Variants in CCDC102B observed in about 807,000 individuals in gnomAD.
CCDC102B encodes the protein coiled-coil domain containing 102B, also known as coiled-coil domain-containing protein 102B.
In CCDC102B, 75 loss-of-function variants were observed where a neutral mutation model predicts 57.4. The observed-to-expected ratio is 1.31, with a 90% confidence interval of 1.08 to 1.58. The LOEUF (loss-of-function observed/expected upper bound fraction) is 1.58. CCDC102B is among the 40% of genes most tolerant of loss of function. CCDC102B has a pLI of 0.00. For missense variants in CCDC102B, 636 were observed against 582.6 expected, an observed-to-expected ratio of 1.09 and a Z score of -0.94; for synonymous variants, 206 against 201.9, an observed-to-expected ratio of 1.02 and a Z score of -0.17.
At chr18:69,022,795 T>A (rs2051881529) in intron 7 of CCDC102B, among the ~76,000 whole-genome samples, 1 of 152,132 alleles carries the variant, frequency 6.6e-6, no homozygotes, top group South Asian at 2.1e-4. Context: ...TGTGTGTATG[T>A]ATTTTAATTT....
intron 6 of CCDC102B, among the ~76,000 whole-genome samples, chr18:68,956,536 ATTTT>A (rs2049892073): frequency 8.2e-4 from 7 of 8,506 alleles, no homozygotes; most frequent in East Asian, 5.7e-3. Flanking sequence ...TATATTATAT[ATTTT>A]ATATATATAA....
intron 1 of CCDC102B, among the ~76,000 whole-genome samples, chr18:68,802,277 G>C (rs2035882865): frequency 6.6e-6 from 1 of 152,102 alleles, no homozygotes; most frequent in Non-Finnish European, 1.5e-5. Flanking sequence ...ACTACGTAGA[G>C]TCCCTGCCAT....
chr18:68,874,675 A>G lies in CCDC102B; in HGVS notation c.943A>G (p.Ile315Val), dbSNP rs373135170. The change falls in exon 5 of 8, where the codon ATT becomes GTT. Residue 315 changes from isoleucine to valine, a missense_variant. Physicochemically the swap from Ile to Val is conservative, Grantham distance 29. Coordinates refer to ENST00000360242, the MANE Select transcript of CCDC102B (RefSeq NM_024781.3). ...SKPKNVKEFD[I>V]LLGQHNDEMQ... ...TTTCAACTTTCTTTTTCAGTTTGAC[A>G]TTCTTCTTGGTCAACATAATGATGA... 1.7e-5 allele frequency: 27 copies of G among 1,603,806 alleles called. No homozygotes were observed. The African/African-American group carries it at 3.3e-4, about 20-fold the overall frequency.
At chr18:68,979,271 G>T (rs1169988520) in intron 6 of CCDC102B, among the ~76,000 whole-genome samples, 1 of 151,908 alleles carries the variant, frequency 6.6e-6, no homozygotes, top group Non-Finnish European at 1.5e-5. Flanking sequence ...TTTCAAATAG[G>T]CAAACAGGTT....
chr18:68,904,304 A>G (rs981327905), intron 6 of CCDC102B, among the ~76,000 whole-genome samples: 13 of 152,204 alleles, frequency 8.5e-5, no homozygotes, highest in Non-Finnish European at 1.3e-4. Context: ...AAAATATAAA[A>G]TGTGTTATAT....
At chr18:68,854,474 A>G (rs62097583) in intron 4 of CCDC102B, among the ~76,000 whole-genome samples, 53,996 of 152,010 alleles carry the variant, frequency 0.36, 10,379 homozygotes, top group East Asian at 0.66. Flanking sequence ...TAAGTTAAAT[A>G]AGGTATACAT....
At chr18:68,759,322 AC>A (rs2034174003) in intron 2 of CCDC102B, among the ~76,000 whole-genome samples, 1 of 152,130 alleles carries the variant, frequency 6.6e-6, no homozygotes, top group Non-Finnish European at 1.5e-5. Flanking sequence ...TTTTATAGGA[AC>A]TTAAAGAAAT....
At chr18:68,763,264 A>G (rs1222985955) in intron 2 of CCDC102B, among the ~76,000 whole-genome samples, 2 of 151,934 alleles carry the variant, frequency 1.3e-5, no homozygotes, top group Non-Finnish European at 2.9e-5. Flanking sequence ...CCATGGCACA[A>G]CCTCCTTGGA....
chr18:68,931,024 G>A (rs1809002018), intron 6 of CCDC102B, among the ~76,000 whole-genome samples: 1 of 151,590 alleles, frequency 6.6e-6, no homozygotes, highest in African/African-American at 2.4e-5. Flanking sequence ...CTCATTCAGA[G>A]GCATGATCAG....
rs1370954606 is a variant in CCDC102B at position 68,956,375 on chromosome 18, TGTATA to T, written c.1264-54558_1264-54554del. ...TAATATATATAATATATATATAAAATGTATAATATATAATATATATATAAATATAT... is the reference window on the plus strand; with the variant it reads ...TAATATATATAATATATATATAAAATATATATAATATATATATAAATATAT... On this transcript the variant is annotated intron_variant, in intron 6 of 7. Coordinates refer to ENST00000360242, the MANE Select transcript of CCDC102B (RefSeq NM_024781.3). 1.9e-4 allele frequency among the ~76,000 whole-genome samples: 5 copies of T among 26,746 alleles called. 2 individuals carry two copies. Among genetic ancestry groups the T allele is most frequent in the Non-Finnish European group, 3.1e-4 (5 of 15,956 alleles). The allele number at this position is 26,746 out of a possible 152,430, so 17.5% of individuals were successfully genotyped here.
chr18:68,936,026 A>G (rs1008992087), intron 6 of CCDC102B, among the ~76,000 whole-genome samples: 3 of 151,984 alleles, frequency 2.0e-5, no homozygotes, highest in African/African-American at 4.8e-5. Context: ...TCCAGCAGAC[A>G]TGATGCTACA....
At chr18:68,797,056 T>A (rs2035654212), upstream of CCDC102B, among the ~76,000 whole-genome samples, 1 of 152,002 alleles carries the variant, frequency 6.6e-6, no homozygotes, top group African/African-American at 2.4e-5. Flanking sequence ...TAACATCACG[T>A]GGGGAAAATC....
intron 6 of CCDC102B, among the ~76,000 whole-genome samples, chr18:68,985,864 G>C (rs2050709601): frequency 6.6e-6 from 1 of 152,054 alleles, no homozygotes; most frequent in South Asian, 2.1e-4. Context: ...AGAAGGGGAA[G>C]GAATAGATCT....
At chr18:69,026,462 A>T (rs1249984663) in intron 7 of CCDC102B, among the ~76,000 whole-genome samples, 3 of 151,568 alleles carry the variant, frequency 2.0e-5, no homozygotes, top group Non-Finnish European at 4.4e-5. Context: ...TGTCTCAAAA[A>T]AAAAAAAAAA....
At chr18:68,816,528 C>T (rs1052983174) in intron 1 of CCDC102B, among the ~76,000 whole-genome samples, 2 of 141,706 alleles carry the variant, frequency 1.4e-5, no homozygotes, top group African/African-American at 5.4e-5. Context: ...TGCAAAGGCA[C>T]GATCTGGGCT....
intron 6 of CCDC102B, among the ~76,000 whole-genome samples, chr18:69,005,172 AT>A (rs1490729575): frequency 1.3e-5 from 2 of 152,150 alleles, no homozygotes; most frequent in Non-Finnish European, 2.9e-5. Context: ...TTTGATTGTG[AT>A]AACAATCCAA....
chr18:68,970,506 T>C (rs2050272269), intron 6 of CCDC102B, among the ~76,000 whole-genome samples: 1 of 151,940 alleles, frequency 6.6e-6, no homozygotes, highest in South Asian at 2.1e-4. Flanking sequence ...AAAGTCTTCA[T>C]CATTTGATTG....
rs1477595619 is a variant in CCDC102B at position 68,765,313 on chromosome 18, G to GA, written c.-67+48721dup. ...GAAAGAAAGGAAGGAAGGAAGGAAG[G>GA]AAGGAAGGAAGGAAAGAAAGAAAGA... On this transcript the variant is annotated intron_variant, in intron 2 of 3. Transcript: ENST00000578970. Among the ~76,000 whole-genome samples the GA allele has an allele frequency of 9.1e-3, 493 of 53,994 alleles. 2 individuals are homozygous for GA. Among genetic ancestry groups the GA allele is most frequent in the East Asian group, 0.046 (50 of 1,096 alleles). 35.4% of individuals were successfully genotyped at this position (53,994 alleles called of 152,430 possible). A position where few individuals can be genotyped will look rare whatever the true frequency, so the allele number is the denominator to read the frequency against.
In CCDC102B at chr18:68,833,506, A is replaced by G. The variant is rs923850717; in HGVS notation, c.-15-3243A>G. 2.3e-4 allele frequency among the ~76,000 whole-genome samples: 35 copies of G among 152,116 alleles called. 1 individual carries two copies. The highest frequency in any genetic ancestry group is 2.1e-3 in the Admixed American group (32 of 15,264). ...TTACTAATGACTTGTATAACAGAGA[A>G]AAATGTATGCTTTGCCTGCAAGGTA... On this transcript the variant is annotated intron_variant, in intron 1 of 7. Coordinates refer to ENST00000360242, the MANE Select transcript of CCDC102B (RefSeq NM_024781.3).
Sources: allele counts gnomAD v4.1 joint callset (sites outside exome capture counted in the v4.1 genomes callset), GRCh38; gene constraint gnomAD v4.1.1; transcripts MANE v1.5; gene names NCBI Gene and HGNC (gene_info 2026-07-23, HGNC 2026-07-21).